The following TTLL11 variants were observed in gnomAD, a reference collection of about 807,000 sequenced individuals.
The protein encoded by TTLL11 is tubulin tyrosine ligase like 11.
Under a neutral mutation model 51.7 loss-of-function variants are expected in TTLL11, and 42 were observed. That is an observed-to-expected ratio of 0.81 (90% CI 0.64 to 1.05). The LOEUF is 1.05. TTLL11 is among the 50% of genes least tolerant of loss of function. TTLL11 has a pLI of 0.00. For synonymous variants in TTLL11, 381 were observed against 383.5 expected (o/e 0.99, Z 0.08); for missense variants, 799 against 940.4 (o/e 0.85, Z 1.97).
chr9:121,963,914 G>A (rs1386871656), intron 6 of TTLL11, among the ~76,000 whole-genome samples: 1 of 152,104 alleles, frequency 6.6e-6, no homozygotes, highest in Non-Finnish European at 1.5e-5. Flanking sequence ...ACCTTTCAAG[G>A]TATGGGGAAC....
intron 6 of TTLL11, among the ~76,000 whole-genome samples, chr9:121,958,455 C>A (rs905117762): frequency 6.6e-6 from 1 of 152,102 alleles, no homozygotes; most frequent in Non-Finnish European, 1.5e-5. Flanking sequence ...TTTCTCGAAG[C>A]CAAACACCCT....
At chr9:121,992,563 A>G (rs1254972360) in intron 3 of TTLL11, among the ~76,000 whole-genome samples, 1 of 152,248 alleles carries the variant, frequency 6.6e-6, no homozygotes, top group Non-Finnish European at 1.5e-5. Flanking sequence ...TAAAAATACC[A>G]TCTGAAACCA....
At chr9:122,014,137 G>T (rs1843896671) in intron 3 of TTLL11, among the ~76,000 whole-genome samples, 1 of 152,082 alleles carries the variant, frequency 6.6e-6, no homozygotes, top group African/African-American at 2.4e-5. Flanking sequence ...GGCAGAGGTG[G>T]GCAGATCACT....
chr9:122,070,672 C>T (rs999749611), intron 1 of TTLL11, among the ~76,000 whole-genome samples: 3 of 152,052 alleles, frequency 2.0e-5, no homozygotes, highest in Non-Finnish European at 4.4e-5. Context: ...ATGAAGGAGA[C>T]GGAAGGACAG....
At chr9:121,931,378 G>A (rs1043899259) in intron 6 of TTLL11, among the ~76,000 whole-genome samples, 1 of 152,092 alleles carries the variant, frequency 6.6e-6, no homozygotes, top group Admixed American at 6.5e-5. Flanking sequence ...ACTTCTTGTT[G>A]GAGCAGAAGT....
chr9:121,867,399 C>T (rs1321082913), intron 7 of TTLL11, among the ~76,000 whole-genome samples: 1 of 152,132 alleles, frequency 6.6e-6, no homozygotes, highest in South Asian at 2.1e-4. Context: ...TCTACCCAGC[C>T]CTCTGTGATA....
intron 1 of TTLL11, among the ~76,000 whole-genome samples, chr9:122,074,032 G>A (rs1199586309): frequency 6.6e-6 from 1 of 152,170 alleles, no homozygotes; most frequent in Non-Finnish European, 1.5e-5. Flanking sequence ...CAGCACTTTG[G>A]GAGGCTGAGG....
At chr9:121,978,449 CTTTATTTATTTATTTATTTATTTATTTA>C (rs143223546) in intron 4 of TTLL11, among the ~76,000 whole-genome samples, 10 of 148,350 alleles carry the variant, frequency 6.7e-5, no homozygotes, top group African/African-American at 2.2e-4. Flanking sequence ...AAGGAAAAAG[CTTTATTTATTTATTTATTTATTTATTTA>C]TTTATTTATT....
intron 6 of TTLL11, among the ~76,000 whole-genome samples, chr9:121,901,550 T>A (rs999759072): frequency 2.6e-5 from 4 of 152,102 alleles, no homozygotes; most frequent in African/African-American, 9.7e-5. Context: ...AACTCCAAAC[T>A]CTTGTGAGAT....
intron 6 of TTLL11, among the ~76,000 whole-genome samples, chr9:121,910,985 G>A (rs1840094609): frequency 6.6e-6 from 1 of 152,148 alleles, no homozygotes. Flanking sequence ...TTCAACATTG[G>A]TAAAGGTTCT....
intron 6 of TTLL11, among the ~76,000 whole-genome samples, chr9:121,939,528 G>A (rs184429478): frequency 1.3e-5 from 2 of 152,152 alleles, no homozygotes; most frequent in African/African-American, 4.8e-5. Context: ...TTCTCTGGGG[G>A]TAGGGGGAGA....
chr9:121,979,719 A>G (rs906352467), intron 4 of TTLL11, among the ~76,000 whole-genome samples: 2 of 152,100 alleles, frequency 1.3e-5, no homozygotes, highest in Non-Finnish European at 2.9e-5. Flanking sequence ...CCATTTTTCT[A>G]AAGTGCAAAT....
At chr9:121,825,824 AC>A (rs1342222900) in intron 8 of TTLL11, among the ~76,000 whole-genome samples, 2 of 151,822 alleles carry the variant, frequency 1.3e-5, no homozygotes, top group Non-Finnish European at 2.9e-5. Context: ...TGCATAGAAA[AC>A]ATACAATGAG....
At chr9:121,923,744 C>T (rs1365939632) in intron 6 of TTLL11, among the ~76,000 whole-genome samples, 1 of 152,228 alleles carries the variant, frequency 6.6e-6, no homozygotes, top group South Asian at 2.1e-4. Context: ...TTCCTTCCAA[C>T]ATCACACTGA....
In TTLL11 at chr9:122,093,017, G is replaced by A. The variant is rs561010289; in HGVS notation, c.132C>T (p.Asp44=). Reference sequence around the variant, plus strand: ...ACTCCGGTTCCCCGGCCGCGCCCGCGTCCACGCGGACCTGTTCCGCCACCG... The same window carrying A: ...ACTCCGGTTCCCCGGCCGCGCCCGCATCCACGCGGACCTGTTCCGCCACCG... The part of the protein sequence containing the change: ...AETVAEQVRV[D]AGAAGEPECK... Residue 44 remains aspartate, a synonymous_variant, in exon 1 of 9, where the codon GAC becomes GAT. Coordinates refer to ENST00000321582, the MANE Select transcript of TTLL11 (RefSeq NM_001139442.2). The A allele has an allele frequency of 3.9e-6, 6 of 1,534,524 alleles. No individual in the cohort carries two copies. The African/African-American group carries it at 7.0e-5, about 18-fold the overall frequency.
rs1291696768 is a variant in TTLL11 at position 122,080,526 on chromosome 9, A to AT, written c.462+12160_462+12161insA. On this transcript the variant is annotated intron_variant, in intron 1 of 8. Transcript: ENST00000321582. ...ATGGAAACCCCATCTCTACAAAAAAAAATATATATATACAAAAATTAGCTG... is the reference window on the plus strand; with the variant it reads ...ATGGAAACCCCATCTCTACAAAAAAATAATATATATATACAAAAATTAGCTG... Among the ~76,000 whole-genome samples, 51 of 151,858 alleles carry AT rather than the reference A, an allele frequency of 3.4e-4. 2 individuals are homozygous for AT. The highest frequency in any genetic ancestry group is 3.4e-3 in the Middle Eastern group (1 of 294).
chr9:121,994,852 C>T (rs1237224189), intron 3 of TTLL11, among the ~76,000 whole-genome samples: 1 of 152,112 alleles, frequency 6.6e-6, no homozygotes, highest in Non-Finnish European at 1.5e-5. Context: ...CAGGAAAAGT[C>T]CAAACTGAGG....
At chr9:122,083,787 C>T (rs1006245958) in intron 1 of TTLL11, among the ~76,000 whole-genome samples, 1 of 151,914 alleles carries the variant, frequency 6.6e-6, no homozygotes, top group East Asian at 1.9e-4. Flanking sequence ...TCCAGCCTGG[C>T]TGACAGAGCA....
intron 6 of TTLL11, among the ~76,000 whole-genome samples, chr9:121,898,939 G>A (rs376973843): frequency 1.3e-5 from 2 of 152,270 alleles, no homozygotes; most frequent in South Asian, 2.1e-4. Flanking sequence ...CTGTTGCTGG[G>A]TGCCCTTCTT....
Sources: allele counts gnomAD v4.1 joint callset (sites outside exome capture counted in the v4.1 genomes callset), GRCh38; gene constraint gnomAD v4.1.1; transcripts MANE v1.5; gene names NCBI Gene and HGNC (gene_info 2026-07-23, HGNC 2026-07-21).